ZFAT: variants seen among roughly 807,000 people sequenced by gnomAD.
The protein encoded by ZFAT is zinc finger and AT-hook domain containing, also known as zinc finger protein ZFAT.
In ZFAT, 64 loss-of-function variants were observed where a neutral mutation model predicts 117.7. That is an observed-to-expected ratio of 0.54 (90% CI 0.44 to 0.67). The LOEUF is 0.67. Among genes scored for constraint, ZFAT ranks in the 30% least tolerant of loss-of-function variants. ZFAT has a pLI of 0.00. For missense variants in ZFAT, 1,433 were observed against 1,584.5 expected (o/e 0.90, Z 1.62); for synonymous variants, 679 against 615.0 (o/e 1.10, Z -1.54).
chr8:134,586,543 G>A (rs572650323), intron 9 of ZFAT, among the ~76,000 whole-genome samples: 3 of 152,214 alleles, frequency 2.0e-5, no homozygotes, highest in Admixed American at 2.0e-4. Flanking sequence ...ATAAGCCCAT[G>A]GTCTCCAGCC....
the ZFAT span, among the ~76,000 whole-genome samples, chr8:134,780,105 T>C: frequency 6.6e-6 from 1 of 152,232 alleles, no homozygotes; most frequent in Non-Finnish European, 1.5e-5. Context: ...CAAAATTATG[T>C]ATGTTACATT....
rs754030671 is a variant in ZFAT at position 134,657,613 on chromosome 8, G to A, written c.144C>T (p.Pro48=). The change falls in exon 2 of 16, where the codon CCC becomes CCT. Residue 48 remains proline, a synonymous_variant. Transcript: ENST00000377838. The part of the protein sequence containing the change: ...EGVNVDEIII[P]LRPLSTPEPP... ...GTTCAGGTGTACTCAGAGGCCTAAG[G>A]GGAATAATAATCTCATCAACATTAA... 1.9e-6 allele frequency: 3 copies of A among 1,613,832 alleles called. No individual in the cohort carries two copies. The African/African-American group carries it at 4.0e-5, about 22-fold the overall frequency.
chr8:134,775,645 G>A, the ZFAT span, among the ~76,000 whole-genome samples: 93 of 152,302 alleles, frequency 6.1e-4, no homozygotes, highest in African/African-American at 2.0e-3. Context: ...CAAGTACTGG[G>A]TTCATCATTC....
chr8:134,564,986 C>T, intron 11 of ZFAT: 1 of 1,259,276 alleles, frequency 7.9e-7, no homozygotes, highest in Non-Finnish European at 1.0e-6. Flanking sequence ...GGGTGACTCA[C>T]CTGCAGCAAT....
chr8:134,490,410 C>CT (rs1817968231), intron 15 of ZFAT, among the ~76,000 whole-genome samples: 1 of 152,218 alleles, frequency 6.6e-6, no homozygotes, highest in Non-Finnish European at 1.5e-5. Flanking sequence ...GGACTAAAGA[C>CT]TCATCAGTCA....
At chr8:134,604,977 C>A (rs909969574) in intron 5 of ZFAT, among the ~76,000 whole-genome samples, 3 of 152,230 alleles carry the variant, frequency 2.0e-5, no homozygotes, top group African/African-American at 4.8e-5. Flanking sequence ...TGCATATTTT[C>A]TCCTCTACTG....
At chr8:134,806,613 T>A in the ZFAT span, among the ~76,000 whole-genome samples, 1 of 152,196 alleles carries the variant, frequency 6.6e-6, no homozygotes, top group Non-Finnish European at 1.5e-5. Context: ...TTAATTTACC[T>A]TCCTGTCCTC....
chr8:134,623,346 T>A (rs1829268091), intron 3 of ZFAT, among the ~76,000 whole-genome samples: 1 of 152,138 alleles, frequency 6.6e-6, no homozygotes, highest in Admixed American at 6.5e-5. Flanking sequence ...CCCTTGGTGG[T>A]TTATCCTTCT....
intron 3 of ZFAT, among the ~76,000 whole-genome samples, chr8:134,617,759 A>C (rs1715054752): frequency 6.6e-6 from 1 of 152,234 alleles, no homozygotes; most frequent in African/African-American, 2.4e-5. Context: ...TTGCACATGC[A>C]CAAAAGCCCT....
chr8:134,503,135 G>A (rs772489579), intron 15 of ZFAT, among the ~76,000 whole-genome samples: 21 of 152,246 alleles, frequency 1.4e-4, no homozygotes, highest in Non-Finnish European at 2.5e-4. Flanking sequence ...TGGGGGCAGT[G>A]GCAACAATGG....
chr8:134,489,386 C>T (rs1440256410), intron 15 of ZFAT, among the ~76,000 whole-genome samples: 1 of 152,076 alleles, frequency 6.6e-6, no homozygotes, highest in African/African-American at 2.4e-5. Flanking sequence ...GCTCCCCAGG[C>T]CTGCTCTCTT....
intron 2 of ZFAT, among the ~76,000 whole-genome samples, chr8:134,643,572 A>G (rs905255186): frequency 6.6e-6 from 1 of 152,190 alleles, no homozygotes; most frequent in Non-Finnish European, 1.5e-5. Context: ...ACAGGTGACA[A>G]AAGTCACAGC....
intron 1 of ZFAT, among the ~76,000 whole-genome samples, chr8:134,682,847 C>T (rs1393748886): frequency 6.6e-6 from 1 of 152,150 alleles, no homozygotes; most frequent in Non-Finnish European, 1.5e-5. Context: ...GTAAGCCTGG[C>T]TTCTGAGCTC....
At chr8:134,594,190 GATAAAACACCTA>G (rs2130891210) in intron 7 of ZFAT, among the ~76,000 whole-genome samples, 1 of 152,304 alleles carries the variant, frequency 6.6e-6, no homozygotes, top group African/African-American at 2.4e-5. Flanking sequence ...CTGGACAGTG[GATAAAACACCTA>G]AATGGAGCAA....
intron 15 of ZFAT, among the ~76,000 whole-genome samples, chr8:134,481,686 C>T (rs1445598421): frequency 6.6e-6 from 1 of 152,220 alleles, no homozygotes; most frequent in Non-Finnish European, 1.5e-5. Flanking sequence ...TCCAAGTTCT[C>T]AGAACCAGCC....
chr8:134,634,137 T>C (rs1033825836), intron 3 of ZFAT, among the ~76,000 whole-genome samples: 4 of 152,114 alleles, frequency 2.6e-5, no homozygotes, highest in Non-Finnish European at 5.9e-5. Flanking sequence ...CTATTAGTTG[T>C]AAAACACTGA....
At chr8:134,489,912 C>A (rs768723755) in intron 15 of ZFAT, among the ~76,000 whole-genome samples, 6 of 152,188 alleles carry the variant, frequency 3.9e-5, no homozygotes, top group Non-Finnish European at 7.3e-5. Context: ...GAAGGCACCA[C>A]CATCCACCCT....
chr8:134,535,358 C>T (rs751284230), intron 11 of ZFAT, among the ~76,000 whole-genome samples: 36 of 152,178 alleles, frequency 2.4e-4, no homozygotes, highest in Non-Finnish European at 4.7e-4. Context: ...TCTGCAAAAT[C>T]AGTTAGTCAT....
At chr8:134,735,094 A>G in the ZFAT span, among the ~76,000 whole-genome samples, 1 of 152,180 alleles carries the variant, frequency 6.6e-6, no homozygotes, top group Non-Finnish European at 1.5e-5. Context: ...TCACAGGCCA[A>G]TGTCACTGTG....
Sources: allele counts gnomAD v4.1 joint callset (sites outside exome capture counted in the v4.1 genomes callset), GRCh38; gene constraint gnomAD v4.1.1; transcripts MANE v1.5; gene names NCBI Gene and HGNC (gene_info 2026-07-23, HGNC 2026-07-21).